Variants in AGBL1 observed in about 807,000 individuals in gnomAD.
The protein encoded by AGBL1 is AGBL carboxypeptidase 1, also known as cytosolic carboxypeptidase 4.
AGBL1 carries 130 observed loss-of-function variants against 118.9 expected under a neutral mutation model. That is an observed-to-expected ratio of 1.09 (90% confidence interval 0.95 to 1.26). The LOEUF is 1.26. AGBL1 is among the 50% of genes most tolerant of loss of function. The pLI, the probability that AGBL1 is intolerant of heterozygous loss-of-function variation, is 0.00. For missense variants in AGBL1, 1,584 were observed against 1,298.1 expected, an observed-to-expected ratio of 1.22 and a Z score of -3.38; for synonymous variants, 555 against 478.9, an observed-to-expected ratio of 1.16 and a Z score of -2.08.
At chr15:86,281,007 C>T (rs903532377) in intron 16 of AGBL1, among the ~76,000 whole-genome samples, 3 of 152,110 alleles carry the variant, frequency 2.0e-5, no homozygotes, top group African/African-American at 7.2e-5. Context: ...TGTTTTGTTG[C>T]CTTTAGGGAC....
chr15:86,912,663 C>T lies in AGBL1; in HGVS notation c.*5369C>T, dbSNP rs961295401. On this transcript the variant is annotated 3_prime_UTR_variant, in exon 23 of 23. Transcript: ENST00000614907. ...GAAAATGGTGCCGTAGAGTCGATTT[C>T]ATATGCTAAGGGCAGCCTCTGCCCT... 2.6e-5 allele frequency: 4 copies of T among 151,474 alleles called. No homozygotes were observed. Among genetic ancestry groups the T allele is most frequent in the Non-Finnish European group, 4.4e-5 (3 of 67,854 alleles). 9.4% of individuals were successfully genotyped at this position (151,474 alleles called of 1,614,324 possible). A position where few individuals can be genotyped will look rare whatever the true frequency, so the allele number is the denominator to read the frequency against.
At chr15:86,187,844 C>G (rs2077657280) in intron 5 of AGBL1, among the ~76,000 whole-genome samples, 1 of 152,130 alleles carries the variant, frequency 6.6e-6, no homozygotes, top group Admixed American at 6.6e-5. Flanking sequence ...TCAACATCTT[C>G]CCTAAGGCTT....
intron 21 of AGBL1, among the ~76,000 whole-genome samples, chr15:86,656,594 A>G (rs2085464749): frequency 6.6e-6 from 1 of 152,190 alleles, no homozygotes; most frequent in Admixed American, 6.5e-5. Flanking sequence ...AAAGTAATAA[A>G]GTATCTCTTA....
intron 5 of AGBL1, among the ~76,000 whole-genome samples, chr15:86,161,338 A>T (rs908970702): frequency 1.3e-5 from 2 of 152,208 alleles, no homozygotes; most frequent in African/African-American, 4.8e-5. Context: ...AGCTCTTAGC[A>T]TGCATTACTT....
chr15:86,582,803 T>C (rs56278114), intron 21 of AGBL1, among the ~76,000 whole-genome samples: 76,044 of 148,370 alleles, frequency 0.51, 19,516 homozygotes, highest in Middle Eastern at 0.58. Flanking sequence ...TAGGTGGGAA[T>C]TGAACAATGA....
At chr15:86,145,794 C>T (rs566198710) in intron 3 of AGBL1, among the ~76,000 whole-genome samples, 1 of 152,266 alleles carries the variant, frequency 6.6e-6, no homozygotes, top group South Asian at 2.1e-4. Flanking sequence ...CAGTTAAGGA[C>T]CTGCTCTCAT....
At chr15:86,712,244 C>T (rs1302654137) in intron 22 of AGBL1, among the ~76,000 whole-genome samples, 5 of 152,090 alleles carry the variant, frequency 3.3e-5, no homozygotes, top group African/African-American at 1.2e-4. Context: ...TTAAAACAAA[C>T]AAAGCAATAA....
intron 21 of AGBL1, among the ~76,000 whole-genome samples, chr15:86,600,279 T>C (rs952319141): frequency 2.6e-5 from 4 of 152,174 alleles, no homozygotes; most frequent in African/African-American, 2.4e-5. Context: ...TACATTGACA[T>C]GGTTATTTCT....
intron 17 of AGBL1, among the ~76,000 whole-genome samples, chr15:86,341,719 A>G (rs2080464198): frequency 6.6e-6 from 1 of 152,196 alleles, no homozygotes; most frequent in African/African-American, 2.4e-5. Context: ...TATGAGCTAG[A>G]GACCAATCGA....
At chr15:86,951,768 T>C (rs573407276) in intron 23 of AGBL1, among the ~76,000 whole-genome samples, 5 of 152,342 alleles carry the variant, frequency 3.3e-5, no homozygotes, top group South Asian at 4.1e-4. Flanking sequence ...TTTTTATTTA[T>C]TGCTTTTCAT....
At chr15:86,965,856 G>A (rs866341204) in intron 23 of AGBL1, among the ~76,000 whole-genome samples, 2 of 152,096 alleles carry the variant, frequency 1.3e-5, no homozygotes, top group Admixed American at 6.6e-5. Flanking sequence ...CCTGTCAGGG[G>A]TTGAGGGCCT....
chr15:86,728,139 T>C (rs1258475293), intron 22 of AGBL1, among the ~76,000 whole-genome samples: 1 of 152,166 alleles, frequency 6.6e-6, no homozygotes, highest in African/African-American at 2.4e-5. Flanking sequence ...CTAACAGTCA[T>C]TGAACTGGAA....
intron 22 of AGBL1, among the ~76,000 whole-genome samples, chr15:86,795,628 A>C: frequency 6.7e-6 from 1 of 148,798 alleles, no homozygotes; most frequent in African/African-American, 2.5e-5. Context: ...CTTGTCACCC[A>C]GGCTGGAGTG....
intron 1 of AGBL1, among the ~76,000 whole-genome samples, chr15:86,120,778 T>C (rs1287997008): frequency 6.6e-6 from 1 of 152,234 alleles, no homozygotes; most frequent in Non-Finnish European, 1.5e-5. Flanking sequence ...GAAATACCCC[T>C]TTGGCATAAT....
At chr15:86,471,934 T>A (rs1166747043) in intron 18 of AGBL1, among the ~76,000 whole-genome samples, 2 of 152,190 alleles carry the variant, frequency 1.3e-5, no homozygotes, top group Non-Finnish European at 2.9e-5. Context: ...CCCTAGTTTA[T>A]CTGAGTAAAC....
intron 17 of AGBL1, among the ~76,000 whole-genome samples, chr15:86,388,911 A>G (rs1481965754): frequency 2.0e-5 from 3 of 152,218 alleles, no homozygotes; most frequent in African/African-American, 7.2e-5. Context: ...GTGTTTACAT[A>G]CAATCCCACA....
intron 21 of AGBL1, among the ~76,000 whole-genome samples, chr15:86,623,899 A>G (rs986880713): frequency 1.3e-5 from 2 of 152,236 alleles, no homozygotes; most frequent in Non-Finnish European, 2.9e-5. Flanking sequence ...TTCACCTAGA[A>G]GAGGCACAAT....
chr15:86,484,650 A>G (rs2082692210), intron 18 of AGBL1, among the ~76,000 whole-genome samples: 2 of 152,064 alleles, frequency 1.3e-5, no homozygotes, highest in South Asian at 4.1e-4. Flanking sequence ...GCACACTGAA[A>G]TACTACTGCC....
At chr15:86,424,866 C>T (rs1014312492) in intron 18 of AGBL1, among the ~76,000 whole-genome samples, 39 of 152,202 alleles carry the variant, frequency 2.6e-4, no homozygotes, top group African/African-American at 8.4e-4. Context: ...GTTAGACTGG[C>T]GATCTTTAAA....
Sources: allele counts gnomAD v4.1 joint callset (sites outside exome capture counted in the v4.1 genomes callset), GRCh38; gene constraint gnomAD v4.1.1; transcripts MANE v1.5; gene names NCBI Gene and HGNC (gene_info 2026-07-23, HGNC 2026-07-21).